The following FBN2 variants were observed in gnomAD, a reference collection of about 807,000 sequenced individuals.
The protein encoded by FBN2 is fibrillin-2.
In FBN2, 105 loss-of-function variants were observed where a neutral mutation model predicts 355.6. The ratio of observed to expected loss-of-function variants is 0.30; its 90% CI spans 0.25 to 0.35. FBN2 has a LOEUF of 0.35. FBN2 is among the 10% of genes least tolerant of loss of function. The pLI, the probability that FBN2 is intolerant of heterozygous loss-of-function variation, is 1.00. For synonymous variants in FBN2, 1,350 were observed against 1,301.2 expected, an observed-to-expected ratio of 1.04 and a Z score of -0.81; for missense variants, 3,280 against 3,758.7, an observed-to-expected ratio of 0.87 and a Z score of 3.33.
At chr5:128,536,577 T>C in intron 1 of FBN2, 93 bp from the exon 2 acceptor site, 1 of 850,802 alleles carries the variant, frequency 1.2e-6, no homozygotes, top group African/African-American at 1.7e-5. Context: ...AGCGAGTAGA[T>C]TTCAGGACAA....
intron 5 of FBN2, among the ~76,000 whole-genome samples, chr5:128,513,154 C>T (rs971269883): frequency 6.6e-6 from 1 of 152,252 alleles, no homozygotes; most frequent in East Asian, 1.9e-4. Flanking sequence ...ATCTTTCCAA[C>T]GAATCTGTGA....
chr5:128,449,393 G>T (rs370540199), intron 6 of FBN2, among the ~76,000 whole-genome samples: 2,033 of 96,444 alleles, frequency 0.021, 99 homozygotes, highest in Admixed American at 0.13. Context: ...CTATATAATA[G>T]TATACTGTAT....
intron 48 of FBN2, among the ~76,000 whole-genome samples, chr5:128,292,352 G>GT (rs3838664): frequency 7.9e-5 from 12 of 151,720 alleles, no homozygotes; most frequent in East Asian, 3.9e-4. Flanking sequence ...ATTTTTCGTC[G>GT]TTTTTTTTGT....
At chr5:128,384,982 T>G (rs1483222213) in intron 11 of FBN2, among the ~76,000 whole-genome samples, 1 of 152,144 alleles carries the variant, frequency 6.6e-6, no homozygotes, top group East Asian at 1.9e-4. Context: ...TGAAATGGGT[T>G]CTTTGGCTAT....
intron 21 of FBN2, 79 bp downstream of exon 21, chr5:128,350,789 A>G: frequency 6.7e-7 from 1 of 1,493,506 alleles, no homozygotes; most frequent in Non-Finnish European, 9.3e-7. Flanking sequence ...TCACTAAGGA[A>G]CTGCGTAGTG....
intron 3 of FBN2, among the ~76,000 whole-genome samples, chr5:128,528,715 C>T (rs777616363): frequency 2.6e-5 from 4 of 152,104 alleles, no homozygotes; most frequent in Non-Finnish European, 2.9e-5. Context: ...CCTCGGCCAC[C>T]GAAGGGTTTT....
chr5:128,282,883 A>C (rs1749017520), intron 55 of FBN2, among the ~76,000 whole-genome samples: 1 of 152,216 alleles, frequency 6.6e-6, no homozygotes, highest in South Asian at 2.1e-4. Flanking sequence ...GCCTAGAGGA[A>C]AACAGGCTTC....
chr5:128,352,547 A>G (rs577554609), intron 20 of FBN2, among the ~76,000 whole-genome samples: 1 of 152,384 alleles, frequency 6.6e-6, no homozygotes, highest in Admixed American at 6.5e-5. Flanking sequence ...TGAAGCAGTG[A>G]TAAGGAATCC....
chr5:128,428,839 G>T (rs1753547431), intron 7 of FBN2, among the ~76,000 whole-genome samples: 1 of 152,210 alleles, frequency 6.6e-6, no homozygotes, highest in Non-Finnish European at 1.5e-5. Context: ...TCATCTGGGT[G>T]TGGCAGGTCC....
chr5:128,503,005 T>C (rs1411378439), intron 5 of FBN2, among the ~76,000 whole-genome samples: 2 of 152,208 alleles, frequency 1.3e-5, no homozygotes, highest in African/African-American at 4.8e-5. Context: ...GGTTTGGCCA[T>C]TCCCCACCCA....
rs150734807 is a variant in FBN2, at chr5:128,263,559, G to A, written c.8058C>T (p.Phe2686=). ...CGTGGCAGGCACTGGAGAACTGGTC[G>A]AAGGAGAACCCCGAGGGGCAGGCGC... ...YKCACPSGFS[F]DQFSSACHDV... is the part of the protein sequence containing the mutation. Residue 2686 remains phenylalanine (F), a synonymous_variant, in exon 63 of 65, where the codon TTC becomes TTT. Transcript: ENST00000262464. The A allele has an allele frequency of 1.6e-5, 26 of 1,614,134 alleles. No individual in the cohort carries two copies. Among genetic ancestry groups the A allele is most frequent in the South Asian group, 6.6e-5 (6 of 91,082 alleles).
chr5:128,402,699 C>T (rs1236034604), intron 8 of FBN2, among the ~76,000 whole-genome samples: 1 of 152,186 alleles, frequency 6.6e-6, no homozygotes, highest in Non-Finnish European at 1.5e-5. Flanking sequence ...CAGGTCAGAA[C>T]AATAGTGATA....
chr5:128,336,149 T>A, intron 27 of FBN2, 36 bp from the exon 28 acceptor site: 2 of 1,607,448 alleles, frequency 1.2e-6, no homozygotes, highest in East Asian at 2.2e-5. Flanking sequence ...CTTTACACAA[T>A]GTCCACTCAC....
chr5:128,284,988 T>C (rs1005116346), intron 55 of FBN2, among the ~76,000 whole-genome samples: 11 of 152,138 alleles, frequency 7.2e-5, no homozygotes, highest in Non-Finnish European at 1.2e-4. Context: ...AAGAAGAAAA[T>C]TTAATGATCT....
chr5:128,438,737 G>GA (rs1424199320), intron 7 of FBN2, among the ~76,000 whole-genome samples: 4 of 152,076 alleles, frequency 2.6e-5, no homozygotes, highest in Non-Finnish European at 5.9e-5. Flanking sequence ...GAGGGCTCAA[G>GA]AAAAAAACTG....
intron 30 of FBN2, 22 bp downstream of exon 30, chr5:128,335,137 GTATAAATGTTT>G: frequency 1.2e-6 from 2 of 1,613,738 alleles, no homozygotes; most frequent in Non-Finnish European, 1.7e-6. Context: ...GCATGTGTGT[GTATAAATGTTT>G]ATCCTTTCTT....
At chr5:128,374,503 G>T in intron 15 of FBN2, 125 bp downstream of exon 15, 2 of 1,304,434 alleles carry the variant, frequency 1.5e-6, no homozygotes, top group East Asian at 2.3e-5. Flanking sequence ...ATCTTTCCAA[G>T]GTTTATCCAT....
intron 39 of FBN2, 34 bp from the exon 40 acceptor site, chr5:128,310,142 A>T (rs1484985691): frequency 1.4e-5 from 22 of 1,556,658 alleles, no homozygotes; most frequent in Non-Finnish European, 1.9e-5. Flanking sequence ...TAATTAATAA[A>T]TCTATTTTTT....
At chr5:128,377,681 TAGTACATGGTTCTAAATA>T (rs1335222323) in intron 13 of FBN2, 53 bp downstream of exon 13, 1 of 1,512,124 alleles carries the variant, frequency 6.6e-7, no homozygotes, top group Non-Finnish European at 9.2e-7. Flanking sequence ...TTCATGGAAA[TAGTACATGGTTCTAAATA>T]AAAATGTATA....
Sources: allele counts gnomAD v4.1 joint callset (sites outside exome capture counted in the v4.1 genomes callset), GRCh38; gene constraint gnomAD v4.1.1; transcripts MANE v1.5; gene names NCBI Gene and HGNC (gene_info 2026-07-23, HGNC 2026-07-21).